The following ZCWPW2 variants were observed in gnomAD, a reference collection of about 807,000 sequenced individuals.
ZCWPW2 encodes the protein zinc finger CW-type PWWP domain protein 2.
Under a neutral mutation model 46.6 loss-of-function variants are expected in ZCWPW2, and 45 were observed. The ratio of observed to expected loss-of-function variants is 0.96; its 90% CI spans 0.76 to 1.24. The LOEUF is 1.24. Ranked by LOEUF, ZCWPW2 falls within the 50% of genes most tolerant of loss-of-function variation. The pLI, the probability that ZCWPW2 is intolerant of heterozygous loss-of-function variation, is 0.00. For synonymous variants in ZCWPW2, 152 were observed against 137.1 expected, an observed-to-expected ratio of 1.11 and a Z score of -0.76; for missense variants, 429 against 403.9, an observed-to-expected ratio of 1.06 and a Z score of -0.53.
chr3:28,510,876 A>G (rs73823984), intron 6 of ZCWPW2: 5,120 of 291,592 alleles, frequency 0.018, 217 homozygotes, highest in African/African-American at 0.094. Flanking sequence ...TTAGTCATTT[A>G]CAAACACTGT....
intron 6 of ZCWPW2, among the ~76,000 whole-genome samples, chr3:28,512,789 G>T (rs1700463841): frequency 6.7e-6 from 1 of 149,962 alleles, no homozygotes; most frequent in African/African-American, 2.5e-5. Context: ...AGTGCTATTT[G>T]GCTCTTCTTA....
At chr3:28,392,052 T>G (rs1393820423) in intron 2 of ZCWPW2, among the ~76,000 whole-genome samples, 1 of 152,212 alleles carries the variant, frequency 6.6e-6, no homozygotes, top group African/African-American at 2.4e-5. Flanking sequence ...ATGGATTTGT[T>G]TTAAAGAAAG....
In ZCWPW2 at chr3:28,366,897, T is replaced by C. The variant is rs562289746; in HGVS notation, c.-134+17694T>C. The stretch of plus-strand genomic sequence containing the variant: ...GAGGGTGTATGTGTCCAGGAATTTA[T>C]CCATTTCTTCTAGATTTTCTAGTTT... On this transcript the variant is annotated intron_variant, in intron 1 of 9. Transcript: ENST00000383768. Among the ~76,000 whole-genome samples the C allele has an allele frequency of 7.9e-5, 12 of 152,368 alleles. No homozygotes were observed. In the South Asian group the frequency reaches 2.5e-3, roughly 32 times the overall value.
At chr3:28,453,216 C>T (rs944816332) in intron 4 of ZCWPW2, among the ~76,000 whole-genome samples, 6 of 152,182 alleles carry the variant, frequency 3.9e-5, no homozygotes, top group Non-Finnish European at 7.3e-5. Flanking sequence ...AAACCAGTTT[C>T]TTTCCCTATC....
rs1704416840 is a variant in ZCWPW2, at chr3:28,349,109, G to C, written c.-228G>C. The C allele has an allele frequency of 1.0e-6, 1 of 985,736 alleles. No homozygotes were observed. The highest frequency in any genetic ancestry group is 6.1e-5 in the Admixed American group (1 of 16,288). The allele number at this position is 985,736 out of a possible 1,614,324, so 61.1% of individuals were successfully genotyped here. ...CGGTCGTGGGGGTGGGGAAGTGCAG[G>C]AGTGGCGCGCGGCGTACTACATGTC... is the stretch of plus-strand genomic sequence containing the variant. On this transcript the variant is annotated 5_prime_UTR_variant, in exon 1 of 10. Coordinates refer to ENST00000383768, the MANE Select transcript of ZCWPW2 (RefSeq NM_001040432.4).
intron 6 of ZCWPW2, among the ~76,000 whole-genome samples, chr3:28,505,446 A>G (rs1048928921): frequency 2.0e-5 from 3 of 152,166 alleles, no homozygotes; most frequent in African/African-American, 4.8e-5. Context: ...CTATTGAAAT[A>G]GTGTCTAAAA....
chr3:28,422,388 C>T (rs1696828398), intron 3 of ZCWPW2, among the ~76,000 whole-genome samples: 1 of 152,148 alleles, frequency 6.6e-6, no homozygotes. Context: ...CCTTCTATCC[C>T]TCCAAACTCT....
chr3:28,470,492 T>TA (rs751954217), intron 4 of ZCWPW2, among the ~76,000 whole-genome samples: 1,604 of 87,576 alleles, frequency 0.018, 31 homozygotes, highest in African/African-American at 0.044. Context: ...GACTCCGTCT[T>TA]AAAAAAAAAA....
At chr3:28,429,617 G>T (rs1697162390) in intron 3 of ZCWPW2, among the ~76,000 whole-genome samples, 1 of 152,154 alleles carries the variant, frequency 6.6e-6, no homozygotes. Flanking sequence ...CAAGACAATG[G>T]GGAAAATGTC....
chr3:28,487,922 A>G (rs1022892152), intron 5 of ZCWPW2, among the ~76,000 whole-genome samples: 5 of 152,042 alleles, frequency 3.3e-5, no homozygotes, highest in African/African-American at 1.2e-4. Context: ...GGCTGGGGTT[A>G]GGCTTTGAAA....
chr3:28,423,693 C>T (rs1341823504), intron 3 of ZCWPW2, among the ~76,000 whole-genome samples: 2 of 151,996 alleles, frequency 1.3e-5, no homozygotes, highest in African/African-American at 4.8e-5. Context: ...TGAAACGGAT[C>T]TTGGTTGTTT....
chr3:28,462,769 C>T (rs1286856190), intron 4 of ZCWPW2, among the ~76,000 whole-genome samples: 1 of 151,988 alleles, frequency 6.6e-6, no homozygotes, highest in South Asian at 2.1e-4. Flanking sequence ...CTCCACGGGC[C>T]TCACTGGTGG....
intron 4 of ZCWPW2, among the ~76,000 whole-genome samples, chr3:28,444,576 C>T (rs995704295): frequency 2.0e-5 from 3 of 152,142 alleles, no homozygotes; most frequent in Non-Finnish European, 2.9e-5. Context: ...AATGCCTTCA[C>T]TTTTAGAGTA....
chr3:28,362,853 C>T (rs1382646067), intron 1 of ZCWPW2, among the ~76,000 whole-genome samples: 7 of 152,002 alleles, frequency 4.6e-5, no homozygotes. Flanking sequence ...AAATGTGGTA[C>T]ATATACACCA....
intron 3 of ZCWPW2, chr3:28,427,877 C>T (rs1559500193): frequency 6.6e-6 from 1 of 152,106 alleles, no homozygotes; most frequent in South Asian, 2.1e-4. Context: ...AAATCACCAA[C>T]TATTAAATAT....
intron 4 of ZCWPW2, among the ~76,000 whole-genome samples, chr3:28,439,606 A>G (rs1249563790): frequency 6.6e-6 from 1 of 152,196 alleles, no homozygotes; most frequent in Admixed American, 6.5e-5. Flanking sequence ...GAGATCATAC[A>G]TAATCTTCAA....
chr3:28,510,073 T>A (rs1359522115), intron 6 of ZCWPW2, among the ~76,000 whole-genome samples: 1 of 152,218 alleles, frequency 6.6e-6, no homozygotes, highest in East Asian at 1.9e-4. Context: ...TATTCTTTTC[T>A]TACTGAATTG....
rs1015460277 is a variant in ZCWPW2 at position 28,478,910 on chromosome 3, T to C, written c.589T>C (p.Cys197Arg). ...GYSHEQRLEM[C>R]CLSKLQDKSE... ...TTCTCATGAGCAAAGACTGGAAATG[T>C]GCTGCCTATCAAAACTACAAGGTGT... is the stretch of plus-strand genomic sequence containing the variant. Residue 197 changes from cysteine to arginine, a missense_variant, in exon 5 of 10, where the codon TGC (cysteine) becomes CGC (arginine). Cys to Arg is a radical substitution (Grantham distance 180, BLOSUM62 -3). Transcript: ENST00000383768. The C allele has an allele frequency of 3.2e-6, 5 of 1,584,882 alleles. No homozygotes were observed. The highest frequency in any genetic ancestry group is 4.3e-6 in the Non-Finnish European group (5 of 1,169,784).
intron 2 of ZCWPW2, among the ~76,000 whole-genome samples, chr3:28,399,567 A>G (rs1267022111): frequency 6.6e-6 from 1 of 152,210 alleles, no homozygotes; most frequent in African/African-American, 2.4e-5. Context: ...AGGTGCTGGT[A>G]TTCATGGCTG....
Sources: gnomAD v4.1 joint callset for allele counts (sites outside exome capture counted in the v4.1 genomes callset) on GRCh38, gnomAD v4.1.1 for gene constraint, MANE v1.5 for transcripts, NCBI Gene and HGNC (gene_info 2026-07-23, HGNC 2026-07-21) for gene names.